The following GPR171 variants were observed in gnomAD, a reference collection of about 807,000 sequenced individuals.
GPR171 encodes G protein-coupled receptor 171.
Under a neutral mutation model 16.7 loss-of-function variants are expected in GPR171, and 14 were observed. The ratio of observed to expected loss-of-function variants is 0.84; its 90% CI spans 0.55 to 1.31. The LOEUF (loss-of-function observed/expected upper bound fraction) is 1.31, where lower values mean the gene tolerates loss of function less well. Ranked by LOEUF, GPR171 falls within the 40% of genes most tolerant of loss-of-function variation. The pLI is 0.00. For missense variants in GPR171, 337 were observed against 378.9 expected (o/e 0.89, Z 0.92); for synonymous variants, 134 against 135.6 (o/e 0.99, Z 0.08).
intron 1 of GPR171, among the ~76,000 whole-genome samples, chr3:151,202,038 C>T (rs1725684409): frequency 6.6e-6 from 1 of 152,184 alleles, no homozygotes; most frequent in African/African-American, 2.4e-5. Flanking sequence ...ATATACCGTA[C>T]ATGAATAATT....
chr3:151,199,517 A>G (rs1725219958), intron 2 of GPR171, 78 bp from the exon 3 acceptor site: 3 of 743,628 alleles, frequency 4.0e-6, no homozygotes, highest in East Asian at 2.6e-5. Context: ...GGTCTTCACA[A>G]TACCGTTGTC....
In GPR171 at chr3:151,199,011, G is replaced by A. The variant is rs770822530; in HGVS notation, c.376C>T (p.Gln126Ter). Residue 126 changes from glutamine to a stop codon, truncating the protein, a stop_gained, in exon 3 of 3, where the codon CAA (glutamine) becomes TAA (stop). Transcript: ENST00000309180. LOFTEE classifies it high-confidence loss of function. ...LTHSCKIYRI[Q>*]EPGFAKMIST... is the part of the protein sequence containing the mutation. ...ATCATTTTGGCAAATCCGGGTTCTT[G>A]TATTCGGTAGATCTTGCAGCTGTGT... is the stretch of plus-strand genomic sequence containing the variant. 1.9e-6 allele frequency: 3 copies of A among 1,614,126 alleles called. No individual in the cohort carries two copies. The highest frequency in any genetic ancestry group is 8.5e-7 in the Non-Finnish European group (1 of 1,180,010).
intron 2 of GPR171, among the ~76,000 whole-genome samples, chr3:151,199,868 C>T (rs1559870023): frequency 6.6e-6 from 1 of 151,894 alleles, no homozygotes; most frequent in Non-Finnish European, 1.5e-5. Flanking sequence ...TCCATAGATT[C>T]ATGTGGCTCC....
rs1487269471 is a variant in GPR171 at position 151,198,332 on chromosome 3, GTTTTTTTTTGT to G, written c.*84_*94del. 1.0e-4 allele frequency: 88 copies of G among 866,876 alleles called. No individual in the cohort carries two copies. Among genetic ancestry groups the G allele is most frequent in the Non-Finnish European group, 1.4e-4 (85 of 618,548 alleles). The allele number at this position is 866,876 out of a possible 1,614,324, so 53.7% of individuals were successfully genotyped here. On this transcript the variant is annotated 3_prime_UTR_variant, in exon 3 of 3. Coordinates refer to ENST00000309180, the MANE Select transcript of GPR171 (RefSeq NM_013308.4). ...AGCTAACTGTATTTTTTCATACTGA[GTTTTTTTTTGT>G]TTTTTTTTTTTTTATCTTTCAAAGC...
chr3:151,199,524 T>C, intron 2 of GPR171, 85 bp from the exon 3 acceptor site: 1 of 706,258 alleles, frequency 1.4e-6, no homozygotes, highest in Non-Finnish European at 2.3e-6. Flanking sequence ...ACAATACCGT[T>C]GTCTTTCCAG....
chr3:151,201,409 G>C (rs754433336), intron 1 of GPR171, among the ~76,000 whole-genome samples: 39 of 152,096 alleles, frequency 2.6e-4, no homozygotes, highest in Non-Finnish European at 5.3e-4. Flanking sequence ...GTTCCTTCCT[G>C]CCTTTATACT....
rs1465525237 is a variant in GPR171 at position 151,198,328 on chromosome 3, C to G, written c.*99G>C. ...TGCTAGCTAACTGTATTTTTTCATA[C>G]TGAGTTTTTTTTTGTTTTTTTTTTT... is the stretch of plus-strand genomic sequence containing the variant. On this transcript the variant is annotated 3_prime_UTR_variant, in exon 3 of 3. Coordinates refer to ENST00000309180, the MANE Select transcript of GPR171 (RefSeq NM_013308.4). The G allele has an allele frequency of 2.1e-6, 2 of 943,264 alleles. No individual in the cohort carries two copies. The highest frequency in any genetic ancestry group is 3.0e-6 in the Non-Finnish European group (2 of 664,470). The allele number at this position is 943,264 out of a possible 1,614,324, so 58.4% of individuals were successfully genotyped here.
Position 151,199,164 on chromosome 3 carries a change from A to G in GPR171, c.223T>C (p.Leu75=). The change falls in exon 3 of 3, where the codon TTG becomes CTG. Residue 75 remains leucine, a synonymous_variant. Transcript: ENST00000309180. ...TTCAGCTTCCAAGGTGCCACACCCA[A>G]GTCAACAACAATTTTCACTGGTAAT... is the stretch of plus-strand genomic sequence containing the variant. ...LALPVKIVVD[L]GVAPWKLKIF... is the part of the protein sequence containing the mutation. 1 of 1,614,206 alleles carries G rather than the reference A, an allele frequency of 6.2e-7. No individual in the cohort carries two copies.
Position 151,199,432 on chromosome 3 carries a change from C to G in GPR171, c.-46G>C. The G allele has an allele frequency of 6.6e-7, 1 of 1,515,012 alleles. No individual in the cohort carries two copies. 93.8% of individuals were successfully genotyped at this position (1,515,012 alleles called of 1,614,324 possible). A position where few individuals can be genotyped will look rare whatever the true frequency, so the allele number is the denominator to read the frequency against. On this transcript the variant is annotated 5_prime_UTR_variant, in exon 3 of 3. Transcript: ENST00000309180. Reference sequence around the variant, plus strand: ...ACTGCTTATTGAAAAGAAAAAATTTCTAAGACTCTGTAAAAGAAACAAGGA... The same window carrying G: ...ACTGCTTATTGAAAAGAAAAAATTTGTAAGACTCTGTAAAAGAAACAAGGA...
intron 2 of GPR171, 54 bp from the exon 3 acceptor site, chr3:151,199,493 C>T: frequency 1.1e-6 from 1 of 952,236 alleles, no homozygotes. Flanking sequence ...CAACTATTTT[C>T]TTTAAAAGAC....
Position 151,198,900 on chromosome 3 carries a change from C to T in GPR171, c.487G>A (p.Val163Met), listed in dbSNP as rs1277621550. ...TCCTTTTTAAACTCCATACAACCCA[C>T]ATTTGACTTTTCCTTGATGTCTTTG... is the stretch of plus-strand genomic sequence containing the variant. ...PIKDIKEKSN[V>M]GCMEFKKEFG... Residue 163 changes from valine to methionine, a missense_variant, in exon 3 of 3, where the codon GTG becomes ATG. By Grantham distance (21) the Val-to-Met change is conservative. Transcript: ENST00000309180. 1 of 1,613,970 alleles carries T rather than the reference C, an allele frequency of 6.2e-7. No individual in the cohort carries two copies. The highest frequency in any genetic ancestry group is 1.3e-5 in the African/African-American group (1 of 74,920).
At position 151,198,356 on chromosome 3, in the gene GPR171, T is replaced by TTTTTTTTTTA; in HGVS notation, c.*70_*71insTAAAAAAAAA. ...AGTTTTTTTTTGTTTTTTTTTTTTT[T>TTTTTTTTTTA]ATCTTTCAAAGCTATAATTAACTTT... is the stretch of plus-strand genomic sequence containing the variant. On this transcript the variant is annotated 3_prime_UTR_variant, in exon 3 of 3. Coordinates refer to ENST00000309180, the MANE Select transcript of GPR171 (RefSeq NM_013308.4). The TTTTTTTTTTA allele has an allele frequency of 8.8e-7, 1 of 1,131,176 alleles. No homozygotes were observed. Among genetic ancestry groups the TTTTTTTTTTA allele is most frequent in the African/African-American group, 1.5e-5 (1 of 64,634 alleles). 70.1% of individuals were successfully genotyped at this position (1,131,176 alleles called of 1,614,324 possible). A position where few individuals can be genotyped will look rare whatever the true frequency, so the allele number is the denominator to read the frequency against.
chr3:151,199,140 T>C lies in GPR171; in HGVS notation c.247A>G (p.Lys83Glu). Reference sequence around the variant, plus strand: ...GCTGTTACTTGGCAGTGGAATATCTTCAGCTTCCAAGGTGCCACACCCAAG... The same window carrying C: ...GCTGTTACTTGGCAGTGGAATATCTCCAGCTTCCAAGGTGCCACACCCAAG... ...VDLGVAPWKLKIFHCQVTACL... is the reference protein window; with the variant it reads ...VDLGVAPWKLEIFHCQVTACL... The change falls in exon 3 of 3, where the codon AAG becomes GAG. Residue 83 changes from lysine (K) to glutamate (E), a missense_variant. By Grantham distance (56) the Lys-to-Glu change is moderately conservative. Transcript: ENST00000309180. 1.2e-6 allele frequency: 2 copies of C among 1,614,178 alleles called. No individual in the cohort carries two copies. The highest frequency in any genetic ancestry group is 1.7e-6 in the Non-Finnish European group (2 of 1,179,992).
intron 2 of GPR171, among the ~76,000 whole-genome samples, chr3:151,200,422 T>C (rs191678245): frequency 5.9e-5 from 9 of 152,344 alleles, no homozygotes; most frequent in Admixed American, 2.0e-4. Flanking sequence ...TTTTGTATTT[T>C]AGCAAGGAAA....
rs141482865 is a variant in GPR171 at position 151,199,372 on chromosome 3, C to T, written c.15G>A (p.Ser5=). Residue 5 remains serine (S), a synonymous_variant, in exon 3 of 3, where the codon TCG becomes TCA. Transcript: ENST00000309180. ...GATCTTTATAAACTGGGCAGAAGAA[C>T]GAACTGTTTGTCATCTTGAGGGAAA... MTNS[S]FFCPVYKDLE... The T allele has an allele frequency of 1.8e-3, 2,963 of 1,607,698 alleles. 96 individuals are homozygous for T. In the Admixed American group the frequency reaches 0.046, roughly 25 times the overall value.
chr3:151,201,923 C>A (rs995862914), intron 1 of GPR171, among the ~76,000 whole-genome samples: 2 of 152,122 alleles, frequency 1.3e-5, no homozygotes, highest in Non-Finnish European at 2.9e-5. Flanking sequence ...CCATTGCTTG[C>A]ACAACTATAA....
In GPR171 at chr3:151,198,916, G is replaced by A; in HGVS notation, c.471C>T (p.Ile157=). ...VPNMMIPIKD[I]KEKSNVGCME... ...TACAACCCACATTTGACTTTTCCTT[G>A]ATGTCTTTGATGGGAATCATCATAT... The change falls in exon 3 of 3, where the codon ATC becomes ATT. Residue 157 remains isoleucine (I), a synonymous_variant. Coordinates refer to ENST00000309180, the MANE Select transcript of GPR171 (RefSeq NM_013308.4). 1.9e-6 allele frequency: 3 copies of A among 1,613,862 alleles called. No homozygotes were observed. The highest frequency in any genetic ancestry group is 2.5e-6 in the Non-Finnish European group (3 of 1,179,992).
At chr3:151,201,230 C>G (rs575521354) in intron 1 of GPR171, among the ~76,000 whole-genome samples, 1 of 151,660 alleles carries the variant, frequency 6.6e-6, no homozygotes, top group South Asian at 2.1e-4. Flanking sequence ...CACACTCTCT[C>G]TCTCTCTCTC....
In GPR171 at chr3:151,198,344, T is replaced by G. The variant is rs1186961122; in HGVS notation, c.*83A>C. The G allele has an allele frequency of 1.6e-5, 15 of 913,042 alleles. No individual in the cohort carries two copies. The highest frequency in any genetic ancestry group is 2.8e-5 in the South Asian group (1 of 35,798). 56.6% of individuals were successfully genotyped at this position (913,042 alleles called of 1,614,324 possible). Reference sequence around the variant, plus strand: ...TTTTTCATACTGAGTTTTTTTTTGTTTTTTTTTTTTTTATCTTTCAAAGCT... The same window carrying G: ...TTTTTCATACTGAGTTTTTTTTTGTGTTTTTTTTTTTTATCTTTCAAAGCT... On this transcript the variant is annotated 3_prime_UTR_variant, in exon 3 of 3. Coordinates refer to ENST00000309180, the MANE Select transcript of GPR171 (RefSeq NM_013308.4).
Sources: gnomAD v4.1 joint callset for allele counts (sites outside exome capture counted in the v4.1 genomes callset) on GRCh38, gnomAD v4.1.1 for gene constraint, MANE v1.5 for transcripts, NCBI Gene and HGNC (gene_info 2026-07-23, HGNC 2026-07-21) for gene names.